SCGB1D2: variants seen among roughly 807,000 people sequenced by gnomAD.
SCGB1D2 encodes the protein secretoglobin family 1D member 2.
In SCGB1D2, 10 loss-of-function variants were observed where a neutral mutation model predicts 10.5. That is an observed-to-expected ratio of 0.95 (90% CI 0.59 to 1.61). The LOEUF is 1.61. SCGB1D2 is among the 40% of genes most tolerant of loss of function. SCGB1D2 has a pLI of 0.00. For missense variants in SCGB1D2, 113 were observed against 103.8 expected, an observed-to-expected ratio of 1.09 and a Z score of -0.38; for synonymous variants, 42 against 42.8, an observed-to-expected ratio of 0.98 and a Z score of 0.08.
intron 1 of SCGB1D2, among the ~76,000 whole-genome samples, chr11:62,242,915 C>G (rs1945075703): frequency 6.6e-6 from 1 of 152,170 alleles, no homozygotes; most frequent in Non-Finnish European, 1.5e-5. Flanking sequence ...TGGCGAAACT[C>G]CAGCTTTACC....
rs760782709 is a variant in SCGB1D2 at position 62,244,809 on chromosome 11, C to T, written c.*110C>T. ...GCTTTAATAAATCACTTGCTCTCCA[C>T]GTCTCCACTGGTCTTGTTATAATCC... On this transcript the variant is annotated 3_prime_UTR_variant, in exon 3 of 3. Transcript: ENST00000244926. 7.3e-5 allele frequency: 69 copies of T among 950,058 alleles called. No homozygotes were observed. The highest frequency in any genetic ancestry group is 2.0e-4 in the South Asian group (14 of 69,356). The allele number at this position is 950,058 out of a possible 1,614,324, so 58.9% of individuals were successfully genotyped here.
Position 62,242,279 on chromosome 11 carries a change from A to C in SCGB1D2, c.-29A>C. On this transcript the variant is annotated 5_prime_UTR_variant, in exon 1 of 3. Transcript: ENST00000244926. ...AGTCCAAATCACTCATTGTTTGTGA[A>C]AGCTGAGCTCACAGCAAAACAAGCC... 6.2e-7 allele frequency: 1 copy of C among 1,613,562 alleles called. No individual in the cohort carries two copies. The highest frequency in any genetic ancestry group is 8.5e-7 in the Non-Finnish European group (1 of 1,179,576).
intron 1 of SCGB1D2, among the ~76,000 whole-genome samples, chr11:62,242,986 G>A (rs1945076050): frequency 6.6e-6 from 1 of 152,200 alleles, no homozygotes; most frequent in Non-Finnish European, 1.5e-5. Context: ...CAGCTACTTA[G>A]GGGGCTGAGA....
At chr11:62,243,573 G>T in intron 2 of SCGB1D2, 97 bp downstream of exon 2, 1 of 1,071,256 alleles carries the variant, frequency 9.3e-7, no homozygotes, top group Non-Finnish European at 1.3e-6. Flanking sequence ...AGGTGGTGGG[G>T]CAGCTGCCTT....
chr11:62,244,762 A>C lies in SCGB1D2; in HGVS notation c.*63A>C. On this transcript the variant is annotated 3_prime_UTR_variant, in exon 3 of 3. Coordinates refer to ENST00000244926, the MANE Select transcript of SCGB1D2 (RefSeq NM_006551.4). ...AATGACACCCTGATCTTCACTGCAGAATGTAAAGGTTTCAACGTCTTGCTT... is the reference window on the plus strand; with the variant it reads ...AATGACACCCTGATCTTCACTGCAGCATGTAAAGGTTTCAACGTCTTGCTT... 2 of 1,369,458 alleles carry C rather than the reference A, an allele frequency of 1.5e-6. No individual in the cohort carries two copies. 84.8% of individuals were successfully genotyped at this position (1,369,458 alleles called of 1,614,324 possible). A position where few individuals can be genotyped will look rare whatever the true frequency, so the allele number is the denominator to read the frequency against.
chr11:62,242,998 G>A (rs189057561), intron 1 of SCGB1D2, among the ~76,000 whole-genome samples: 1 of 152,284 alleles, frequency 6.6e-6, no homozygotes, highest in Non-Finnish European at 1.5e-5. Flanking sequence ...GGGCTGAGAT[G>A]GGGATATCGC....
rs1945068626 is a variant in SCGB1D2, at chr11:62,242,274, T to C, written c.-34T>C. 1 of 1,613,016 alleles carries C rather than the reference T, an allele frequency of 6.2e-7. No homozygotes were observed. The highest frequency in any genetic ancestry group is 1.3e-5 in the African/African-American group (1 of 74,884). On this transcript the variant is annotated 5_prime_UTR_variant, in exon 1 of 3. Coordinates refer to ENST00000244926, the MANE Select transcript of SCGB1D2 (RefSeq NM_006551.4). ...GGTGGAGTCCAAATCACTCATTGTT[T>C]GTGAAAGCTGAGCTCACAGCAAAAC...
At chr11:62,243,952 T>G (rs1008521894) in intron 2 of SCGB1D2, among the ~76,000 whole-genome samples, 13 of 152,008 alleles carry the variant, frequency 8.6e-5, no homozygotes, top group Admixed American at 3.3e-4. Flanking sequence ...GCTGGACTTC[T>G]CTGCAGCTTC....
intron 1 of SCGB1D2, 109 bp from the exon 2 acceptor site, chr11:62,243,180 A>C (rs1386561839): frequency 1.2e-6 from 1 of 802,286 alleles, no homozygotes; most frequent in Non-Finnish European, 2.0e-6. Flanking sequence ...AGCACAACAA[A>C]TGTATGTGAA....
At chr11:62,243,029 C>T (rs1945076451) in intron 1 of SCGB1D2, among the ~76,000 whole-genome samples, 1 of 152,134 alleles carries the variant, frequency 6.6e-6, no homozygotes, top group Non-Finnish European at 1.5e-5. Flanking sequence ...GAGGTAGAGG[C>T]TGCAGTGAGC....
rs774070276 is a variant in SCGB1D2, at chr11:62,243,430, C to A, written c.197C>A (p.Thr66Lys). 1 of 1,614,034 alleles carries A rather than the reference C, an allele frequency of 6.2e-7. No individual in the cohort carries two copies. The highest frequency in any genetic ancestry group is 2.2e-5 in the East Asian group (1 of 44,886). Residue 66 changes from threonine (T) to lysine (K), a missense_variant, in exon 2 of 3, where the codon ACG (threonine) becomes AAG (lysine). Physicochemically the swap from Thr to Lys is moderately conservative, Grantham distance 78. Coordinates refer to ENST00000244926, the MANE Select transcript of SCGB1D2 (RefSeq NM_006551.4). ...VAAKLGVKRC[T>K]DQMSLQKRSL... The stretch of plus-strand genomic sequence containing the variant: ...GCCAAGTTAGGAGTGAAGAGATGCA[C>A]GGATCAGATGTCCCTTCAGAAACGA...
chr11:62,243,410 G>C lies in SCGB1D2; in HGVS notation c.177G>C (p.Lys59Asn). 1 of 1,614,188 alleles carries C rather than the reference G, an allele frequency of 6.2e-7. No homozygotes were observed. Among genetic ancestry groups the C allele is most frequent in the Non-Finnish European group, 8.5e-7 (1 of 1,180,014 alleles). ...CCCCTCCGGAAGCTGTTGCAGCCAA[G>C]TTAGGAGTGAAGAGATGCACGGATC... The part of the protein sequence containing the change: ...FDAPPEAVAA[K>N]LGVKRCTDQM... Residue 59 changes from lysine (K) to asparagine (N), a missense_variant, in exon 2 of 3, where the codon AAG (lysine) becomes AAC (asparagine). Coordinates refer to ENST00000244926, the MANE Select transcript of SCGB1D2 (RefSeq NM_006551.4).
rs771737998 is a variant in SCGB1D2 at position 62,243,487 on chromosome 11, T to C, written c.243+11T>C. On this transcript the variant is annotated intron_variant, in intron 2 of 2. Coordinates refer to ENST00000244926, the MANE Select transcript of SCGB1D2 (RefSeq NM_006551.4). ...ATTGCGGAAGTCCTGGTAACTTCTT[T>C]CTCCTTTATTTGTTAAGGCTTCTGG... The C allele has an allele frequency of 5.0e-6, 8 of 1,608,130 alleles. No homozygotes were observed. The highest frequency in any genetic ancestry group is 6.0e-6 in the Non-Finnish European group (7 of 1,176,322).
chr11:62,242,607 C>T (rs1945072418), intron 1 of SCGB1D2, among the ~76,000 whole-genome samples: 1 of 152,166 alleles, frequency 6.6e-6, no homozygotes, highest in South Asian at 2.1e-4. Context: ...AGCTTCACTC[C>T]TGGGTGGGAT....
chr11:62,242,377 C>T lies in SCGB1D2; in HGVS notation c.55+15C>T. On this transcript the variant is annotated intron_variant, in intron 1 of 2. Transcript: ENST00000244926. ...CTGCTACCAGGGTGAGTACATCAGT[C>T]ATGAGTCTAGCTCCAGCCCCTGGGA... 1 of 1,613,642 alleles carries T rather than the reference C, an allele frequency of 6.2e-7. No homozygotes were observed. The highest frequency in any genetic ancestry group is 8.5e-7 in the Non-Finnish European group (1 of 1,179,600).
Position 62,243,384 on chromosome 11 carries a change from GC to G in SCGB1D2, c.155del (p.Pro52LeufsTer9). On this transcript the variant is annotated frameshift_variant, in exon 2 of 3. Transcript: ENST00000244926. LOFTEE classifies it high-confidence loss of function. Reference sequence around the variant, plus strand: ...CAAGTTAAGTCTTGCCAAATTTGATGCCCCTCCGGAAGCTGTTGCAGCCAAG... The same window carrying G: ...CAAGTTAAGTCTTGCCAAATTTGATGCCCTCCGGAAGCTGTTGCAGCCAAG... ...LFKLSLAKFD[A>X]PPEAVAAKLG... 6.2e-7 allele frequency: 1 copy of G among 1,613,984 alleles called. No individual in the cohort carries two copies. The highest frequency in any genetic ancestry group is 8.5e-7 in the Non-Finnish European group (1 of 1,179,870).
chr11:62,244,738 A>T lies in SCGB1D2; in HGVS notation c.*39A>T. 1 of 1,551,284 alleles carries T rather than the reference A, an allele frequency of 6.4e-7. No individual in the cohort carries two copies. Among genetic ancestry groups the T allele is most frequent in the Non-Finnish European group, 8.9e-7 (1 of 1,123,410 alleles). ...TCATCCTGGTTTCCACTGTCTTTCA[A>T]TGACACCCTGATCTTCACTGCAGAA... On this transcript the variant is annotated 3_prime_UTR_variant, in exon 3 of 3. Coordinates refer to ENST00000244926, the MANE Select transcript of SCGB1D2 (RefSeq NM_006551.4).
chr11:62,244,568 TTGCCTTTGGG>T (rs1244983634), intron 2 of SCGB1D2, 92 bp from the exon 3 acceptor site: 10 of 1,055,044 alleles, frequency 9.5e-6, no homozygotes, highest in Non-Finnish European at 1.3e-5. Flanking sequence ...GCCCTTCCAA[TTGCCTTTGGG>T]GGCAGAATCC....
At chr11:62,243,183 T>C in intron 1 of SCGB1D2, 106 bp from the exon 2 acceptor site, 1 of 823,666 alleles carries the variant, frequency 1.2e-6, no homozygotes, top group Non-Finnish European at 1.9e-6. Flanking sequence ...ACAACAAATG[T>C]ATGTGAACAT....
Sources: allele counts gnomAD v4.1 joint callset (sites outside exome capture counted in the v4.1 genomes callset), GRCh38; gene constraint gnomAD v4.1.1; transcripts MANE v1.5; gene names NCBI Gene and HGNC (gene_info 2026-07-23, HGNC 2026-07-21).